PLOD3: variants seen among roughly 807,000 people sequenced by gnomAD.
PLOD3 encodes the protein procollagen-lysine,2-oxoglutarate 5-dioxygenase 3.
Under a neutral mutation model 96.9 loss-of-function variants are expected in PLOD3, and 73 were observed. The ratio of observed to expected loss-of-function variants is 0.75; its 90% CI spans 0.62 to 0.92. PLOD3 has a LOEUF of 0.92. PLOD3 is among the 40% of genes least tolerant of loss of function. PLOD3 has a pLI of 0.00. For missense variants in PLOD3, 1,004 were observed against 1,004.3 expected, an observed-to-expected ratio of 1.00 and a Z score of 0.00; for synonymous variants, 454 against 413.7, an observed-to-expected ratio of 1.10 and a Z score of -1.18.
At chr7:101,215,349 A>G (rs935004664) in intron 5 of PLOD3, among the ~76,000 whole-genome samples, 197 bp from the exon 6 acceptor site, 1 of 152,170 alleles carries the variant, frequency 6.6e-6, no homozygotes, top group Admixed American at 6.6e-5. Flanking sequence ...AGTAACTGGG[A>G]CTACAGGAGA....
intron 7 of PLOD3, 36 bp downstream of exon 7, chr7:101,213,071 G>A: frequency 2.9e-6 from 4 of 1,374,612 alleles, no homozygotes; most frequent in Non-Finnish European, 4.1e-6. Flanking sequence ...GGGGGTTGGG[G>A]CAGGGCGGGG....
chr7:101,206,525 G>A, intron 18 of PLOD3, 89 bp from the exon 19 acceptor site: 1 of 1,236,672 alleles, frequency 8.1e-7, no homozygotes. Context: ...GCCAGACCGG[G>A]GGGCACGGTG....
chr7:101,212,094 A>G (rs1037240347), intron 10 of PLOD3, 144 bp from the exon 11 acceptor site: 1 of 1,089,874 alleles, frequency 9.2e-7, no homozygotes, highest in Non-Finnish European at 1.4e-6. Flanking sequence ...TGAGCTGGCA[A>G]GGGCAGGAGT....
intron 6 of PLOD3, 139 bp from the exon 7 acceptor site, chr7:101,213,343 G>A (rs1562894597): frequency 2.8e-6 from 2 of 713,736 alleles, no homozygotes; most frequent in Admixed American, 4.1e-5. Flanking sequence ...CTCGTTGTGG[G>A]CAGGAACCTT....
Position 101,206,315 on chromosome 7 carries a change from G to A in PLOD3, c.2183C>T (p.Thr728Ile), listed in dbSNP as rs1406525759. 8.7e-6 allele frequency: 14 copies of A among 1,613,920 alleles called. No individual in the cohort carries two copies. Among genetic ancestry groups the A allele is most frequent in the Admixed American group, 6.7e-5 (4 of 60,002 alleles). Residue 728 changes from threonine (T) to isoleucine (I), a missense_variant, in exon 19 of 19, where the codon ACA becomes ATA. By Grantham distance (89) the Thr-to-Ile change is moderately conservative. Transcript: ENST00000223127. ...YHEGLPTTWG[T>I]RYIMVSFVDP ...GACAAAGGACACCATGATGTAGCGT[G>A]TGCCCCAGGTCGTTGGCAGCCCCTC...
chr7:101,216,947 A>G, intron 1 of PLOD3, 161 bp from the exon 2 acceptor site: 1 of 738,290 alleles, frequency 1.4e-6, no homozygotes, highest in African/African-American at 1.7e-5. Flanking sequence ...GCAGGGTGGG[A>G]GTGGTGCCCA....
At chr7:101,209,035 A>AAGGGGCAGGG (rs1798136366) in intron 15 of PLOD3, 78 bp from the exon 16 acceptor site, 1 of 1,052,204 alleles carries the variant, frequency 9.5e-7, no homozygotes, top group African/African-American at 1.6e-5. Context: ...GCAGAATGGG[A>AAGGGGCAGGG]AGGGGCAGGG....
rs191441470 is a variant in PLOD3, at chr7:101,210,552, A to G, written c.1480T>C (p.Cys494Arg). The G allele has an allele frequency of 6.2e-7, 1 of 1,614,188 alleles. No individual in the cohort carries two copies. The highest frequency in any genetic ancestry group is 8.5e-7 in the Non-Finnish European group (1 of 1,180,028). ...CTCACCTTGTCTCGAAAGCTCTTAC[A>G]GAAGGCCATGTCCGGGTCTGTGTCA... ...GSDTDPDMAF[C>R]KSFRDKGIFL... The change falls in exon 13 of 19, where the codon TGT becomes CGT. Residue 494 changes from cysteine to arginine, a missense_variant. By Grantham distance (180) the Cys-to-Arg change is radical. Transcript: ENST00000223127.
Position 101,216,181 on chromosome 7 carries a change from G to A in PLOD3, c.484C>T (p.Arg162Cys), listed in dbSNP as rs748424624. Residue 162 changes from arginine to cysteine, a missense_variant, in exon 4 of 19, where the codon CGC becomes TGC. Coordinates refer to ENST00000223127, the MANE Select transcript of PLOD3 (RefSeq NM_001084.5). ...CACTCACCACCAGAATTGAGGAAGC[G>A]CTTCCCCGTGCCCACCTCAGGGTAC... ...EQYPEVGTGK[R>C]FLNSGGFIGF... The A allele has an allele frequency of 3.1e-5, 50 of 1,613,852 alleles. No individual in the cohort carries two copies. The South Asian group carries it at 4.6e-4, about 15-fold the overall frequency.
Position 101,206,383 on chromosome 7 carries a change from C to A in PLOD3, c.2115G>T (p.Lys705Asn). The part of the protein sequence containing the change: ...RYDCVISSPR[K>N]GWALLHPGRL... ...GGCCGGGGTGCAGGAGTGCCCAGCC[C>A]TTCCTCGGGGAGGAGATCACACAGT... The change falls in exon 19 of 19, where the codon AAG becomes AAT. Residue 705 changes from lysine (K) to asparagine (N), a missense_variant. Lys to Asn is a moderately conservative substitution (Grantham distance 94). Coordinates refer to ENST00000223127, the MANE Select transcript of PLOD3 (RefSeq NM_001084.5). 1 of 1,613,624 alleles carries A rather than the reference C, an allele frequency of 6.2e-7. No homozygotes were observed. The highest frequency in any genetic ancestry group is 8.5e-7 in the Non-Finnish European group (1 of 1,179,724).
chr7:101,217,062 G>T (rs1798289204), intron 1 of PLOD3, 104 bp downstream of exon 1: 5 of 1,237,098 alleles, frequency 4.0e-6, no homozygotes, highest in Non-Finnish European at 5.5e-6. Context: ...CTGGGCGGGG[G>T]ACGGGCCAGA....
chr7:101,216,851 G>C (rs1798285818), intron 1 of PLOD3, 65 bp from the exon 2 acceptor site: 5 of 1,081,224 alleles, frequency 4.6e-6, no homozygotes, highest in Non-Finnish European at 7.1e-6. Flanking sequence ...GTGCTTTGCT[G>C]TCCTCCCTCT....
chr7:101,211,279 A>G, intron 12 of PLOD3: 1 of 309,528 alleles, frequency 3.2e-6, no homozygotes, highest in Non-Finnish European at 6.1e-6. Context: ...TCCCAAGTTC[A>G]AGTGATTCTC....
At chr7:101,208,040 C>T (rs1444766248) in intron 16 of PLOD3, among the ~76,000 whole-genome samples, 1 of 152,206 alleles carries the variant, frequency 6.6e-6, no homozygotes, top group Non-Finnish European at 1.5e-5. Context: ...CAGGGCAGAG[C>T]TCGACCGGCA....
rs201811615 is a variant in PLOD3 at position 101,212,819 on chromosome 7, C to T, written c.879+23G>A. The T allele has an allele frequency of 7.6e-6, 12 of 1,586,656 alleles. No homozygotes were observed. In the Admixed American group the frequency reaches 1.7e-4, roughly 22 times the overall value. ...GCTCAGCACGCTGCCCTCTCGTGCC[C>T]CTCCCTGGCACCCCCACCTCACCTG... On this transcript the variant is annotated intron_variant, in intron 8 of 18. Coordinates refer to ENST00000223127, the MANE Select transcript of PLOD3 (RefSeq NM_001084.5).
At chr7:101,206,981 T>C in intron 17 of PLOD3, 77 bp from the exon 18 acceptor site, 2 of 1,481,974 alleles carry the variant, frequency 1.3e-6, no homozygotes, top group South Asian at 1.2e-5. Context: ...ATTATTATTC[T>C]TTTGAGATAG....
In PLOD3 at chr7:101,207,689, G is replaced by C; in HGVS notation, c.1824C>G (p.Pro608=). The change falls in exon 17 of 19, where the codon CCC becomes CCG. Residue 608 remains proline (P), a synonymous_variant. Coordinates refer to ENST00000223127, the MANE Select transcript of PLOD3 (RefSeq NM_001084.5). ...SRLAGGYENV[P]TVDIHMKQVG... ...CCTGCTTCATGTGGATGTCCACGGT[G>C]GGCACATTCTCGTAGCCTCCAGCCA... 2 of 1,613,908 alleles carry C rather than the reference G, an allele frequency of 1.2e-6. No homozygotes were observed. Among genetic ancestry groups the C allele is most frequent in the Non-Finnish European group, 1.7e-6 (2 of 1,179,932 alleles).
In PLOD3 at chr7:101,207,630, C is replaced by T. The variant is rs148219926; in HGVS notation, c.1883G>A (p.Arg628Gln). 77 of 1,613,894 alleles carry T rather than the reference C, an allele frequency of 4.8e-5. No individual in the cohort carries two copies. The African/African-American group carries it at 6.4e-4, about 13-fold the overall frequency. ...GYEDQWLQLL[R>Q]TYVGPMTESL... ...CTCGGTCATGGGGCCCACATACGTC[C>T]GCAGCAGCTGCAGCCACTGGTCCTC... is the stretch of plus-strand genomic sequence containing the variant. Residue 628 changes from arginine to glutamine, a missense_variant, in exon 17 of 19, where the codon CGG (arginine) becomes CAG (glutamine). By Grantham distance (43) the Arg-to-Gln change is conservative. Transcript: ENST00000223127.
chr7:101,212,064 C>T (rs980420281), intron 10 of PLOD3, 114 bp from the exon 11 acceptor site: 5 of 1,039,312 alleles, frequency 4.8e-6, no homozygotes, highest in Non-Finnish European at 7.2e-6. Context: ...CTTCCTTCCC[C>T]AGGCTCTCTG....
Sources: gnomAD v4.1 joint callset for allele counts (sites outside exome capture counted in the v4.1 genomes callset) on GRCh38, gnomAD v4.1.1 for gene constraint, MANE v1.5 for transcripts, NCBI Gene and HGNC (gene_info 2026-07-23, HGNC 2026-07-21) for gene names.